Variants in PLEKHM1 observed in about 807,000 individuals in gnomAD.
PLEKHM1 encodes the protein pleckstrin homology and RUN domain containing M1.
Under a neutral mutation model 94.3 loss-of-function variants are expected in PLEKHM1, and 28 were observed. The ratio of observed to expected loss-of-function variants is 0.30; its 90% CI spans 0.22 to 0.41. The LOEUF is 0.41. Ranked by LOEUF, PLEKHM1 falls within the 10% of genes least tolerant of loss-of-function variation. The probability of loss-of-function intolerance (pLI) is 1.00; values close to 1 mark genes in which losing one functional copy is unlikely to be tolerated. For synonymous variants in PLEKHM1, 424 were observed against 581.2 expected (o/e 0.73, Z 3.89); for missense variants, 907 against 1,358.6 (o/e 0.67, Z 5.22).
Position 45,454,078 on chromosome 17 carries a change from C to T in PLEKHM1, c.1774G>A (p.Gly592Arg). The T allele has an allele frequency of 6.2e-7, 1 of 1,614,208 alleles. No individual in the cohort carries two copies. Among genetic ancestry groups the T allele is most frequent in the Non-Finnish European group, 8.5e-7 (1 of 1,180,046 alleles). The change falls in exon 7 of 12, where the codon GGG (glycine) becomes AGG (arginine). Residue 592 changes from glycine (G) to arginine (R), a missense_variant. Gly to Arg is a moderately radical substitution (Grantham distance 125). This residue lies in a region of PLEKHM1 where 477 missense variants were observed against 601.5 expected (regional missense o/e 0.79). Transcript: ENST00000430334. Reference protein sequence around the residue: ...CESVGPAHSDGRFELVFSGKK... With the variant: ...CESVGPAHSDRRFELVFSGKK... ...CCAGAGAAGACCAGCTCAAAGCGCCCATCACTATGGGCTGGCCCCACAGAC... is the reference window on the plus strand; with the variant it reads ...CCAGAGAAGACCAGCTCAAAGCGCCTATCACTATGGGCTGGCCCCACAGAC...
intron 5 of PLEKHM1, chr17:45,459,477 A>G (rs894755949): frequency 1.3e-5 from 2 of 151,782 alleles, no homozygotes; most frequent in African/African-American, 2.4e-5. Flanking sequence ...TTATTGCCAA[A>G]TAATATTCCA....
At chr17:45,458,780 T>C (rs1256512629) in intron 5 of PLEKHM1, among the ~76,000 whole-genome samples, 1 of 152,004 alleles carries the variant, frequency 6.6e-6, no homozygotes, top group African/African-American at 2.4e-5. Context: ...CTGAAGTTTT[T>C]TTTTTTTTTA....
chr17:45,489,576 C>T, intron 1 of PLEKHM1, among the ~76,000 whole-genome samples: 1 of 152,134 alleles, frequency 6.6e-6, no homozygotes, highest in East Asian at 1.9e-4. Context: ...AAACACAATC[C>T]CTGAGGACAG....
At chr17:45,449,761 C>T (rs888119084) in intron 8 of PLEKHM1, among the ~76,000 whole-genome samples, 1 of 151,684 alleles carries the variant, frequency 6.6e-6, no homozygotes, top group Non-Finnish European at 1.5e-5. Flanking sequence ...TGCCCATCCA[C>T]CTAGCCACCT....
intron 5 of PLEKHM1, chr17:45,459,666 ACT>A (rs1357846620): frequency 1.4e-5 from 2 of 143,174 alleles, no homozygotes. Flanking sequence ...GTCATGTGTA[ACT>A]CTATGTTTCC....
intron 1 of PLEKHM1, among the ~76,000 whole-genome samples, chr17:45,489,986 C>A (rs1253681775): frequency 2.6e-5 from 4 of 151,990 alleles, no homozygotes; most frequent in African/African-American, 9.7e-5. Flanking sequence ...CTCAGTACGG[C>A]AGGAGACGCA....
rs559121677 is a variant in PLEKHM1, at chr17:45,481,928, A to T, written c.48+509T>A. Among the ~76,000 whole-genome samples, 4 of 152,236 alleles carry T rather than the reference A, an allele frequency of 2.6e-5. No individual in the cohort carries two copies. In the South Asian group the frequency reaches 8.3e-4, roughly 32 times the overall value. ...TTCCTGCCTCTCCAAGAGAACAGAGAGCTCTATCTGGAGTACCCAAGATAG... is the reference window on the plus strand; with the variant it reads ...TTCCTGCCTCTCCAAGAGAACAGAGTGCTCTATCTGGAGTACCCAAGATAG... On this transcript the variant is annotated intron_variant, in intron 2 of 11. Coordinates refer to ENST00000430334, the MANE Select transcript of PLEKHM1 (RefSeq NM_014798.3).
rs1258627549 is a variant in PLEKHM1 at position 45,485,424 on chromosome 17, C to T, written c.-41-2899G>A. ...GCCCGAAGCCCCAAAGTTGCCCTTC[C>T]CTTAACCAGCTACAGGGCCGGGACC... On this transcript the variant is annotated intron_variant, in intron 1 of 11. Coordinates refer to ENST00000430334, the MANE Select transcript of PLEKHM1 (RefSeq NM_014798.3). Among the ~76,000 whole-genome samples the T allele has an allele frequency of 2.0e-5, 3 of 152,092 alleles. No homozygotes were observed. The East Asian group carries it at 5.8e-4, about 29-fold the overall frequency.
At chr17:45,490,068 C>T (rs1000600198) in intron 1 of PLEKHM1, among the ~76,000 whole-genome samples, 7 of 152,020 alleles carry the variant, frequency 4.6e-5, no homozygotes, top group African/African-American at 1.7e-4. Context: ...AGGCTGAGAT[C>T]GGAGTTATCC....
rs1201905143 is a variant in PLEKHM1, at chr17:45,444,904, C to T, written c.2837+566G>A. The stretch of plus-strand genomic sequence containing the variant: ...TGGAGTTGCTGGCTTTCCCACCTGT[C>T]TCCCTCTCACCCTCACCCCCGGATG... On this transcript the variant is annotated intron_variant, in intron 9 of 11. Transcript: ENST00000430334. The surrounding 1 kb of genome is among the most constrained non-coding windows in gnomAD (Gnocchi z 5.0). Among the ~76,000 whole-genome samples, 1 of 152,122 alleles carries T rather than the reference C, an allele frequency of 6.6e-6. No individual in the cohort carries two copies. Among genetic ancestry groups the T allele is most frequent in the Non-Finnish European group, 1.5e-5 (1 of 68,028 alleles).
chr17:45,453,236 C>A lies in PLEKHM1; in HGVS notation c.2497+119G>T. 4 of 782,206 alleles carry A rather than the reference C, an allele frequency of 5.1e-6. No individual in the cohort carries two copies. Among genetic ancestry groups the A allele is most frequent in the African/African-American group, 1.7e-5 (1 of 58,616 alleles). 48.5% of individuals were successfully genotyped at this position (782,206 alleles called of 1,614,324 possible). On this transcript the variant is annotated intron_variant, in intron 7 of 11. Transcript: ENST00000430334. The surrounding 1 kb of genome is among the most constrained non-coding windows in gnomAD (Gnocchi z 4.1). ...GGCAAGCCTGATCTGTGGCCTCATC[C>A]CTAGGGGAAGGATGGGGGCATTTGC...
chr17:45,477,388 C>G (rs192782756), intron 3 of PLEKHM1: 1 of 189,472 alleles, frequency 5.3e-6, no homozygotes, highest in African/African-American at 2.4e-5. Flanking sequence ...GAACCGAGAT[C>G]GCGCCATTGC....
intron 6 of PLEKHM1, among the ~76,000 whole-genome samples, chr17:45,456,792 G>A (rs2050965520): frequency 1.3e-5 from 2 of 152,230 alleles, no homozygotes; most frequent in South Asian, 4.1e-4. Context: ...TTTTGAAGAG[G>A]AAACCCATCA....
At chr17:45,452,888 G>A in intron 7 of PLEKHM1, 1 of 249,036 alleles carries the variant, frequency 4.0e-6, no homozygotes, top group East Asian at 9.4e-5. Flanking sequence ...TGGACACACA[G>A]ATCTAGGACA....
chr17:45,453,075 C>T lies in PLEKHM1; in HGVS notation c.2497+280G>A. 3.4e-6 allele frequency: 2 copies of T among 591,210 alleles called. No homozygotes were observed. The allele number at this position is 591,210 out of a possible 1,614,324, so 36.6% of individuals were successfully genotyped here. The stretch of plus-strand genomic sequence containing the variant: ...GAAGAAAATGAAGCAGGCTGGGACT[C>T]CCTGAGCAGCGCAGTGAGTAGCCAG... On this transcript the variant is annotated intron_variant, in intron 7 of 11. Transcript: ENST00000430334. The surrounding 1 kb of genome is among the most constrained non-coding windows in gnomAD (Gnocchi z 4.1).
chr17:45,449,345 T>G (rs1247994599), intron 8 of PLEKHM1, among the ~76,000 whole-genome samples: 3 of 151,244 alleles, frequency 2.0e-5, no homozygotes, highest in Non-Finnish European at 4.4e-5. Flanking sequence ...CATCTACCCA[T>G]CTAGCCATCT....
In PLEKHM1 at chr17:45,453,819, T is replaced by C; in HGVS notation, c.2033A>G (p.Gln678Arg). Residue 678 changes from glutamine (Q) to arginine (R), a missense_variant, in exon 7 of 12, where the codon CAG becomes CGG. Coordinates refer to ENST00000430334, the MANE Select transcript of PLEKHM1 (RefSeq NM_014798.3). The surrounding 1 kb of genome is among the most constrained non-coding windows in gnomAD (Gnocchi z 4.1). ...QGTQFDWSSA[Q>R]VPEPDAIKES... ...CTTGATGGCATCTGGCTCTGGAACC[T>C]GGGCGGACGACCAGTCAAACTGTGT... is the stretch of plus-strand genomic sequence containing the variant. 6.2e-7 allele frequency: 1 copy of C among 1,613,960 alleles called. No individual in the cohort carries two copies. The highest frequency in any genetic ancestry group is 1.3e-5 in the African/African-American group (1 of 75,042).
rs570108574 is a variant in PLEKHM1 at position 45,444,495 on chromosome 17, C to T, written c.2837+975G>A. Among the ~76,000 whole-genome samples, 15 of 152,286 alleles carry T rather than the reference C, an allele frequency of 9.8e-5. No individual in the cohort carries two copies. In the South Asian group the frequency reaches 2.1e-3, roughly 21 times the overall value. On this transcript the variant is annotated intron_variant, in intron 9 of 11. Transcript: ENST00000430334. The surrounding 1 kb of genome is among the most constrained non-coding windows in gnomAD (Gnocchi z 5.0). Reference sequence around the variant, plus strand: ...TTCCTGAAGGGCATCCTGAGGGCCCCGCCCGGATCACGTCTTCTTTGGAGA... The same window carrying T: ...TTCCTGAAGGGCATCCTGAGGGCCCTGCCCGGATCACGTCTTCTTTGGAGA...
intron 8 of PLEKHM1, among the ~76,000 whole-genome samples, chr17:45,446,565 G>A (rs2050613947): frequency 6.6e-6 from 1 of 152,206 alleles, no homozygotes; most frequent in Admixed American, 6.5e-5. Flanking sequence ...CAGCCGACAA[G>A]TGCACAGTGA....
Sources: gnomAD v4.1 joint callset for allele counts (sites outside exome capture counted in the v4.1 genomes callset) on GRCh38, gnomAD v4.1.1 for gene constraint, gnomAD v4.1.1 regional missense constraint, Gnocchi (gnomAD v3.1) non-coding constraint, MANE v1.5 for transcripts, NCBI Gene and HGNC (gene_info 2026-07-23, HGNC 2026-07-21) for gene names.